The following DDX10 variants were observed in gnomAD, a reference collection of about 807,000 sequenced individuals.
The protein encoded by DDX10 is probable ATP-dependent RNA helicase DDX10.
A neutral mutation model predicts 104.3 loss-of-function variants in DDX10; 74 were observed. The observed-to-expected ratio is 0.71, with a 90% CI of 0.59 to 0.86. The LOEUF is 0.86. Among genes scored for constraint, DDX10 ranks in the 40% least tolerant of loss-of-function variants. DDX10 has a pLI of 0.00. For missense variants in DDX10, 952 were observed against 1,040.0 expected, an observed-to-expected ratio of 0.92 and a Z score of 1.16; for synonymous variants, 351 against 353.4, an observed-to-expected ratio of 0.99 and a Z score of 0.08.
chr11:108,702,216 G>A (rs1307480039), intron 9 of DDX10, among the ~76,000 whole-genome samples: 1 of 151,990 alleles, frequency 6.6e-6, no homozygotes, highest in Non-Finnish European at 1.5e-5. Context: ...ATAACTTGTA[G>A]TACAAAAATA....
chr11:108,665,260 A>C lies in DDX10; in HGVS notation c.107A>C (p.Gln36Pro). The change falls in exon 1 of 18, where the codon CAG becomes CCG. Residue 36 changes from glutamine to proline, a missense_variant. Gln to Pro is a moderately conservative substitution (Grantham distance 76, BLOSUM62 -1). Transcript: ENST00000322536. ...KHSHRQNKKK[Q>P]LRKQLKKPEW... is the part of the protein sequence containing the mutation. ...AGCCATAGGCAGAACAAAAAGAAGC[A>C]GTTGAGGAAGCAACTGAAGAAACCC... The C allele has an allele frequency of 6.2e-6, 10 of 1,611,236 alleles. No individual in the cohort carries two copies. The highest frequency in any genetic ancestry group is 8.5e-6 in the Non-Finnish European group (10 of 1,178,902).
intron 13 of DDX10, among the ~76,000 whole-genome samples, chr11:108,802,025 G>GTGTGTGTGTGTGTGTT: frequency 1.3e-5 from 2 of 151,436 alleles, no homozygotes. Flanking sequence ...GTGTGTGTGT[G>GTGTGTGTGTGTGTGTT]TGTGTGTGTG....
At chr11:108,889,873 G>A (rs1863352273) in intron 16 of DDX10, among the ~76,000 whole-genome samples, 1 of 152,128 alleles carries the variant, frequency 6.6e-6, no homozygotes. Context: ...GCACTTTGAA[G>A]CATTATAAAG....
chr11:108,925,919 A>G (rs1863902349), intron 17 of DDX10, among the ~76,000 whole-genome samples: 1 of 152,184 alleles, frequency 6.6e-6, no homozygotes, highest in South Asian at 2.1e-4. Context: ...TGAAGGACTA[A>G]TGAAGAGTGA....
At chr11:108,848,492 C>T (rs1862748682) in intron 15 of DDX10, among the ~76,000 whole-genome samples, 1 of 152,112 alleles carries the variant, frequency 6.6e-6, no homozygotes, top group South Asian at 2.1e-4. Flanking sequence ...AGTTTCAGCC[C>T]TTCTACTGTC....
chr11:108,869,947 T>C lies in DDX10; in HGVS notation c.2304+17738T>C, dbSNP rs189145351. Among the ~76,000 whole-genome samples the C allele has an allele frequency of 3.1e-3, 470 of 152,028 alleles. 5 individuals carry two copies. Among genetic ancestry groups the C allele is most frequent in the African/African-American group, 0.011 (452 of 41,540 alleles). ...TTTATTAGTAAATCCTATTTGACTT[T>C]ATCTTAAAAGTAGATGAGAAAATTT... is the stretch of plus-strand genomic sequence containing the variant. On this transcript the variant is annotated intron_variant, in intron 16 of 17. Coordinates refer to ENST00000322536, the MANE Select transcript of DDX10 (RefSeq NM_004398.4).
At chr11:108,888,711 C>T (rs1863334822) in intron 16 of DDX10, among the ~76,000 whole-genome samples, 1 of 151,840 alleles carries the variant, frequency 6.6e-6, no homozygotes, top group African/African-American at 2.4e-5. Flanking sequence ...GGATGTGCTG[C>T]TGCACTGGTA....
chr11:108,895,740 T>A (rs1863431951), intron 16 of DDX10, among the ~76,000 whole-genome samples: 1 of 152,072 alleles, frequency 6.6e-6, no homozygotes, highest in Non-Finnish European at 1.5e-5. Flanking sequence ...AGAGGAAAGA[T>A]CACAAGTCCT....
chr11:108,744,208 G>T (rs1011988073), intron 13 of DDX10, among the ~76,000 whole-genome samples: 1 of 152,028 alleles, frequency 6.6e-6, no homozygotes, highest in Non-Finnish European at 1.5e-5. Context: ...TGAGAGAGAG[G>T]GTAGTCTCGT....
chr11:108,895,934 G>C (rs1459505440), intron 16 of DDX10, among the ~76,000 whole-genome samples: 1 of 152,006 alleles, frequency 6.6e-6, no homozygotes, highest in Admixed American at 6.6e-5. Flanking sequence ...AACCATTTAT[G>C]CCAAAAAGAA....
Position 108,881,857 on chromosome 11 carries a change from A to G in DDX10, c.2304+29648A>G, listed in dbSNP as rs1991246. 3.3e-3 allele frequency among the ~76,000 whole-genome samples: 499 copies of G among 152,270 alleles called. 1 individual carries two copies. The highest frequency in any genetic ancestry group is 0.011 in the African/African-American group (469 of 41,572). ...GTCCTTTTGTGATAATAAGGGACAT[A>G]TTTTAGATAAATAGTCTATATAGAG... On this transcript the variant is annotated intron_variant, in intron 16 of 17. Transcript: ENST00000322536.
chr11:108,886,113 TTTATTTTGAGAAG>T (rs1464420578), intron 16 of DDX10, among the ~76,000 whole-genome samples: 22 of 152,190 alleles, frequency 1.4e-4, no homozygotes, highest in Non-Finnish European at 2.2e-4. Context: ...TTTTTGGCAT[TTTATTTTGAGAAG>T]GGGAGGGGAT....
chr11:108,748,937 T>A (rs558468480), intron 13 of DDX10, among the ~76,000 whole-genome samples: 1 of 152,216 alleles, frequency 6.6e-6, no homozygotes, highest in African/African-American at 2.4e-5. Flanking sequence ...GTGCCAAGAT[T>A]ACAGGCATGA....
In DDX10 at chr11:108,706,794, G is replaced by C. The variant is rs1162755046; in HGVS notation, c.1279G>C (p.Val427Leu). The change falls in exon 10 of 18, where the codon GTG (valine) becomes CTG (leucine). Residue 427 changes from valine to leucine, a missense_variant. By Grantham distance (32) the Val-to-Leu change is conservative. Coordinates refer to ENST00000322536, the MANE Select transcript of DDX10 (RefSeq NM_004398.4). ...LILLPSEKAM[V>L]QQLLQKKVPV... ...TTTGCTACCCTCAGAAAAAGCTATG[G>C]TGCAGCAGCTTCTTCAGAAGAAAGT... 2 of 1,613,948 alleles carry C rather than the reference G, an allele frequency of 1.2e-6. No homozygotes were observed. Among genetic ancestry groups the C allele is most frequent in the African/African-American group, 2.7e-5 (2 of 74,928 alleles).
At chr11:108,772,879 G>A (rs896182442) in intron 13 of DDX10, among the ~76,000 whole-genome samples, 6 of 152,120 alleles carry the variant, frequency 3.9e-5, no homozygotes, top group African/African-American at 9.7e-5. Flanking sequence ...ATAGTCCCTC[G>A]TGCCAAAAAG....
At chr11:108,757,977 C>T (rs2094346487) in intron 13 of DDX10, among the ~76,000 whole-genome samples, 1 of 152,040 alleles carries the variant, frequency 6.6e-6, no homozygotes, top group Non-Finnish European at 1.5e-5. Context: ...GACTGTCAGA[C>T]TTCCCTGTGC....
intron 15 of DDX10, among the ~76,000 whole-genome samples, chr11:108,850,315 G>A (rs190769066): frequency 1.4e-3 from 207 of 152,160 alleles, no homozygotes; most frequent in Non-Finnish European, 2.3e-3. Context: ...ATTAATATTG[G>A]AATTCAGTAA....
chr11:108,788,623 A>G (rs1040956700), intron 13 of DDX10, among the ~76,000 whole-genome samples: 1 of 152,218 alleles, frequency 6.6e-6, no homozygotes, highest in African/African-American at 2.4e-5. Flanking sequence ...TTGGTCTCCC[A>G]AACTGCTGGG....
chr11:108,850,538 A>G (rs983118336), intron 15 of DDX10, among the ~76,000 whole-genome samples: 1 of 152,138 alleles, frequency 6.6e-6, no homozygotes, highest in African/African-American at 2.4e-5. Flanking sequence ...TGGCTTTTAA[A>G]TATGGTCAAT....
Sources: allele counts gnomAD v4.1 joint callset (sites outside exome capture counted in the v4.1 genomes callset), GRCh38; gene constraint gnomAD v4.1.1; transcripts MANE v1.5; gene names NCBI Gene and HGNC (gene_info 2026-07-23, HGNC 2026-07-21).